The following CTNND2 variants were observed in gnomAD, a reference collection of about 807,000 sequenced individuals.
The protein encoded by CTNND2 is catenin delta-2.
A neutral mutation model predicts 144.4 loss-of-function variants in CTNND2; 22 were observed. The observed-to-expected ratio is 0.15, with a 90% CI of 0.11 to 0.22. The LOEUF (loss-of-function observed/expected upper bound fraction) is 0.22, where lower values mean the gene tolerates loss of function less well. CTNND2 is among the 10% of genes least tolerant of loss of function. CTNND2 has a pLI of 1.00. For synonymous variants in CTNND2, 751 were observed against 695.6 expected (o/e 1.08, Z -1.25); for missense variants, 1,353 against 1,618.8 (o/e 0.84, Z 2.82).
At chr5:11,875,204 C>CT (rs1306438167) in intron 1 of CTNND2, among the ~76,000 whole-genome samples, 2 of 152,158 alleles carry the variant, frequency 1.3e-5, no homozygotes, top group African/African-American at 4.8e-5. Context: ...GTTTCAAACT[C>CT]TAAGTACAAG....
At chr5:11,104,553 G>C (rs1183830146) in intron 14 of CTNND2, among the ~76,000 whole-genome samples, 1 of 152,130 alleles carries the variant, frequency 6.6e-6, no homozygotes, top group African/African-American at 2.4e-5. Context: ...TCCAGCTTTT[G>C]GGGGGTTAAA....
At chr5:11,004,800 T>C (rs1740316525) in intron 18 of CTNND2, among the ~76,000 whole-genome samples, 2 of 148,232 alleles carry the variant, frequency 1.3e-5, no homozygotes, top group African/African-American at 2.5e-5. Context: ...AGAAAAATGC[T>C]AATGACAATG....
chr5:11,196,595 T>C (rs988700281), intron 11 of CTNND2, among the ~76,000 whole-genome samples: 8 of 152,238 alleles, frequency 5.3e-5, no homozygotes, highest in Non-Finnish European at 8.8e-5. Flanking sequence ...TAAACAGATT[T>C]GCAGTGGCTC....
At chr5:11,074,239 T>A (rs1467419203) in intron 16 of CTNND2, among the ~76,000 whole-genome samples, 1 of 152,186 alleles carries the variant, frequency 6.6e-6, no homozygotes, top group Admixed American at 6.5e-5. Flanking sequence ...TGCCAGCCAT[T>A]AGCATGAGAC....
intron 2 of CTNND2, among the ~76,000 whole-genome samples, chr5:11,653,003 A>G (rs1401859771): frequency 3.9e-5 from 6 of 151,952 alleles, no homozygotes; most frequent in South Asian, 2.1e-4. Flanking sequence ...TTTACTTGGC[A>G]TAATGTCCTC....
At chr5:11,415,581 C>A (rs777383206) in intron 3 of CTNND2, among the ~76,000 whole-genome samples, 1 of 152,030 alleles carries the variant, frequency 6.6e-6, no homozygotes, top group Admixed American at 6.6e-5. Context: ...CCCTCATGCA[C>A]CCCAGCCTAG....
intron 3 of CTNND2, among the ~76,000 whole-genome samples, chr5:11,535,437 G>A (rs1480121614): frequency 3.3e-5 from 5 of 152,054 alleles, no homozygotes; most frequent in Non-Finnish European, 5.9e-5. Context: ...GTTTGCTTCC[G>A]TATATAATTT....
At chr5:11,020,032 A>G (rs758691846) in intron 17 of CTNND2, among the ~76,000 whole-genome samples, 19 of 152,188 alleles carry the variant, frequency 1.2e-4, no homozygotes, top group Non-Finnish European at 2.4e-4. Flanking sequence ...TCTTCACTAG[A>G]GCTGTCACAT....
intron 2 of CTNND2, among the ~76,000 whole-genome samples, chr5:11,655,615 C>T (rs114139721): frequency 8.9e-4 from 136 of 152,194 alleles, no homozygotes; most frequent in Non-Finnish European, 1.5e-3. Flanking sequence ...GAAGTCCATA[C>T]ATTGTTCAGC....
chr5:11,735,754 G>C (rs979271621), intron 1 of CTNND2, among the ~76,000 whole-genome samples: 4 of 152,130 alleles, frequency 2.6e-5, no homozygotes, highest in African/African-American at 9.7e-5. Flanking sequence ...ACATGCCTTT[G>C]CTTCTCCTTC....
In CTNND2 at chr5:11,119,598, G is replaced by A. The variant is rs567078278; in HGVS notation, c.2160-2031C>T. Among the ~76,000 whole-genome samples the A allele has an allele frequency of 1.4e-4, 22 of 152,280 alleles. 1 individual carries two copies. The highest frequency in any genetic ancestry group is 9.2e-4 in the Admixed American group (14 of 15,300). On this transcript the variant is annotated intron_variant, in intron 12 of 21. Transcript: ENST00000304623. Reference sequence around the variant, plus strand: ...AACTAAAAGAATGGCCCTTTTAAAGGAGCATTTTAGATCATTCCTTCTTGA... The same window carrying A: ...AACTAAAAGAATGGCCCTTTTAAAGAAGCATTTTAGATCATTCCTTCTTGA...
chr5:11,039,744 T>A (rs1744485697), intron 16 of CTNND2, among the ~76,000 whole-genome samples: 3 of 152,260 alleles, frequency 2.0e-5, no homozygotes, highest in African/African-American at 7.2e-5. Flanking sequence ...TCCTTATGTT[T>A]TTTTCTAATA....
Position 11,109,941 on chromosome 5 carries a change from C to T in CTNND2, c.2463+917G>A, listed in dbSNP as rs375098605. 1.3e-4 allele frequency among the ~76,000 whole-genome samples: 20 copies of T among 152,276 alleles called. 1 individual carries two copies. The East Asian group carries it at 3.5e-3, about 26-fold the overall frequency. On this transcript the variant is annotated intron_variant, in intron 14 of 21. Transcript: ENST00000304623. ...CAGATTGTATCTGTATCATCTATACCTATATCTATGTACGCACCTGTTTTT... is the reference window on the plus strand; with the variant it reads ...CAGATTGTATCTGTATCATCTATACTTATATCTATGTACGCACCTGTTTTT...
chr5:11,603,114 G>C (rs1389429339), intron 2 of CTNND2, among the ~76,000 whole-genome samples: 1 of 152,034 alleles, frequency 6.6e-6, no homozygotes, highest in East Asian at 1.9e-4. Flanking sequence ...CATCTTAACA[G>C]TAACAATCAC....
At chr5:11,849,359 A>G (rs536654938) in intron 1 of CTNND2, among the ~76,000 whole-genome samples, 14 of 152,300 alleles carry the variant, frequency 9.2e-5, no homozygotes, top group East Asian at 7.7e-4. Context: ...AGATTTGGGT[A>G]GGGACACAGC....
chr5:11,753,032 T>A (rs1442907621), intron 1 of CTNND2, among the ~76,000 whole-genome samples: 1 of 151,922 alleles, frequency 6.6e-6, no homozygotes, highest in African/African-American at 2.4e-5. Context: ...TAATTTTACA[T>A]TCTGAAACTT....
At chr5:11,900,710 C>A (rs997932628) in intron 1 of CTNND2, among the ~76,000 whole-genome samples, 8 of 152,158 alleles carry the variant, frequency 5.3e-5, no homozygotes, top group African/African-American at 1.2e-4. Flanking sequence ...ATGAGGAAAA[C>A]CATCATGGAA....
intron 1 of CTNND2, among the ~76,000 whole-genome samples, chr5:11,866,249 G>A (rs890037083): frequency 1.3e-5 from 2 of 152,310 alleles, no homozygotes; most frequent in African/African-American, 4.8e-5. Context: ...GCTGTAGTGA[G>A]CTATGATTTT....
chr5:11,247,356 G>A (rs1469338158), intron 9 of CTNND2, among the ~76,000 whole-genome samples: 5 of 152,140 alleles, frequency 3.3e-5, no homozygotes, highest in Non-Finnish European at 2.9e-5. Context: ...GGCCCTCTGT[G>A]AGACCCTATG....
Sources: gnomAD v4.1 joint callset for allele counts (sites outside exome capture counted in the v4.1 genomes callset) on GRCh38, gnomAD v4.1.1 for gene constraint, MANE v1.5 for transcripts, NCBI Gene and HGNC (gene_info 2026-07-23, HGNC 2026-07-21) for gene names.